BBX: variants seen among roughly 807,000 people sequenced by gnomAD.
BBX encodes HMG box transcription factor BBX.
In BBX, 30 loss-of-function variants were observed where a neutral mutation model predicts 100.2. The observed-to-expected ratio is 0.30, with a 90% CI of 0.22 to 0.41. BBX has a LOEUF of 0.41. BBX is among the 10% of genes least tolerant of loss of function. The probability of loss-of-function intolerance (pLI) is 1.00; values close to 1 mark genes in which losing one functional copy is unlikely to be tolerated. For synonymous variants in BBX, 376 were observed against 388.1 expected (o/e 0.97, Z 0.37); for missense variants, 1,023 against 1,129.8 (o/e 0.91, Z 1.35).
intron 2 of BBX, among the ~76,000 whole-genome samples, chr3:107,629,804 T>TTG: frequency 6.6e-6 from 1 of 152,150 alleles, no homozygotes; most frequent in East Asian, 1.9e-4. Flanking sequence ...ACCAACCACA[T>TTG]CTCTTCCTTA....
chr3:107,562,198 T>A (rs1406565405), intron 2 of BBX, among the ~76,000 whole-genome samples: 1 of 152,180 alleles, frequency 6.6e-6, no homozygotes, highest in Admixed American at 6.5e-5. Flanking sequence ...GCGATTACAT[T>A]CAAATAAACA....
intron 2 of BBX, among the ~76,000 whole-genome samples, chr3:107,529,426 T>C (rs1003837083): frequency 6.6e-6 from 1 of 152,230 alleles, no homozygotes; most frequent in Non-Finnish European, 1.5e-5. Context: ...ACTAAGGACA[T>C]TGTAATCTTA....
chr3:107,787,568 G>T (rs1028457216), intron 13 of BBX, among the ~76,000 whole-genome samples: 2 of 152,160 alleles, frequency 1.3e-5, no homozygotes, highest in African/African-American at 2.4e-5. Flanking sequence ...AAAAATTGGT[G>T]CCGGTTGCAA....
intron 5 of BBX, among the ~76,000 whole-genome samples, chr3:107,725,061 G>A (rs1221002999): frequency 1.3e-5 from 2 of 152,106 alleles, no homozygotes; most frequent in Non-Finnish European, 2.9e-5. Flanking sequence ...TCTTCCATTT[G>A]TTTGTATCCT....
chr3:107,793,756 A>G (rs1479122075), intron 15 of BBX, among the ~76,000 whole-genome samples: 1 of 152,224 alleles, frequency 6.6e-6, no homozygotes, highest in Non-Finnish European at 1.5e-5. Flanking sequence ...AACTGATGCT[A>G]TATAACTGTT....
At position 107,573,165 on chromosome 3, in the gene BBX, T is replaced by G. The variant is rs2051498104; in HGVS notation, c.-84+46767T>G. Among the ~76,000 whole-genome samples, 3 of 152,338 alleles carry G rather than the reference T, an allele frequency of 2.0e-5. No homozygotes were observed. The South Asian group carries it at 6.2e-4, about 32-fold the overall frequency. ...AACAATTAAAAAGAATCAAACAAGC[T>G]ATGTCTAATGGAGATTAAGAAGCAT... On this transcript the variant is annotated intron_variant, in intron 2 of 17. Transcript: ENST00000325805.
chr3:107,617,005 T>G (rs2055341364), intron 2 of BBX, among the ~76,000 whole-genome samples: 1 of 152,184 alleles, frequency 6.6e-6, no homozygotes, highest in South Asian at 2.1e-4. Context: ...TTTATTTTTC[T>G]TAAAATTTTA....
chr3:107,625,839 T>C (rs1050427103), intron 2 of BBX, among the ~76,000 whole-genome samples: 1 of 152,304 alleles, frequency 6.6e-6, no homozygotes, highest in South Asian at 2.1e-4. Context: ...TTTCAACTTT[T>C]ATTTTAGATT....
Position 107,744,710 on chromosome 3 carries a change from G to A in BBX, c.750G>A (p.Glu250=). The A allele has an allele frequency of 3.1e-6, 5 of 1,610,326 alleles. No individual in the cohort carries two copies. The highest frequency in any genetic ancestry group is 1.7e-6 in the Non-Finnish European group (2 of 1,176,854). ...AGTCACCATTGTTTCAGTTTGCCGA[G>A]GTAATATATTACAATTGATACTTAA... The part of the protein sequence containing the change: ...RQKSPLFQFA[E]ISSSTSHSDA... The change falls in exon 8 of 18, where the codon GAG becomes GAA. Residue 250 remains glutamate (E), a splice_region_variant and synonymous_variant. Transcript: ENST00000325805.
intron 3 of BBX, among the ~76,000 whole-genome samples, chr3:107,685,790 G>A (rs563755487): frequency 6.6e-6 from 1 of 152,242 alleles, no homozygotes; most frequent in South Asian, 2.1e-4. Flanking sequence ...GCAGATTTTT[G>A]CACGTTTGTT....
At chr3:107,566,701 C>G (rs1036485816) in intron 2 of BBX, among the ~76,000 whole-genome samples, 2 of 151,786 alleles carry the variant, frequency 1.3e-5, no homozygotes, top group African/African-American at 2.4e-5. Flanking sequence ...TTCATGTAGG[C>G]TTTGAAGTTT....
At chr3:107,546,321 C>G (rs2049238424) in intron 2 of BBX, among the ~76,000 whole-genome samples, 1 of 152,154 alleles carries the variant, frequency 6.6e-6, no homozygotes, top group African/African-American at 2.4e-5. Flanking sequence ...ACCTTTACTA[C>G]TGTCATAAAT....
chr3:107,740,404 TG>T, intron 7 of BBX, among the ~76,000 whole-genome samples: 1 of 152,228 alleles, frequency 6.6e-6, no homozygotes, highest in Non-Finnish European at 1.5e-5. Context: ...TACTGAAGCC[TG>T]GCAGTTACCA....
chr3:107,769,024 C>T (rs868638110), intron 10 of BBX, among the ~76,000 whole-genome samples: 18 of 147,636 alleles, frequency 1.2e-4, no homozygotes, highest in Middle Eastern at 3.5e-3. Flanking sequence ...GGGGGGGAGC[C>T]GGGCATAGTG....
chr3:107,650,449 A>C (rs928234467), intron 3 of BBX, among the ~76,000 whole-genome samples: 1 of 147,822 alleles, frequency 6.8e-6, no homozygotes, highest in Admixed American at 6.8e-5. Context: ...CCCTGGTGCT[A>C]AAAAAAAAAC....
chr3:107,702,637 G>A (rs1351004627), intron 3 of BBX, among the ~76,000 whole-genome samples: 1 of 152,174 alleles, frequency 6.6e-6, no homozygotes, highest in African/African-American at 2.4e-5. Context: ...AAGGGTCTCT[G>A]TGGGAGGAAT....
chr3:107,561,197 A>G (rs1008639014), intron 2 of BBX, among the ~76,000 whole-genome samples: 4 of 152,232 alleles, frequency 2.6e-5, no homozygotes, highest in Non-Finnish European at 5.9e-5. Flanking sequence ...TAGGTGTTAT[A>G]TAAGATGTAG....
Position 107,648,674 on chromosome 3 carries a change from A to G in BBX, c.-10+2765A>G, listed in dbSNP as rs1160783792. ...AACAGTTGCATCCGGGAGTTTTCTA[A>G]GATACTCTACCTGAGGTCACATTTA... On this transcript the variant is annotated intron_variant, in intron 3 of 17. Coordinates refer to ENST00000325805, the MANE Select transcript of BBX (RefSeq NM_001142568.3). 2.6e-5 allele frequency among the ~76,000 whole-genome samples: 4 copies of G among 152,260 alleles called. No homozygotes were observed. In the East Asian group the frequency reaches 7.7e-4, roughly 29 times the overall value.
In BBX at chr3:107,570,995, T is replaced by G. The variant is rs1045988814; in HGVS notation, c.-84+44597T>G. Among the ~76,000 whole-genome samples the G allele has an allele frequency of 3.9e-5, 6 of 152,164 alleles. No individual in the cohort carries two copies. In the South Asian group the frequency reaches 1.0e-3, roughly 26 times the overall value. On this transcript the variant is annotated intron_variant, in intron 2 of 17. Transcript: ENST00000325805. ...AATCAAAAGTGTTGTTTTCTGGCTA[T>G]TTAGAACAATTATTGAGTTTGTATT...
Sources: allele counts gnomAD v4.1 joint callset (sites outside exome capture counted in the v4.1 genomes callset), GRCh38; gene constraint gnomAD v4.1.1; transcripts MANE v1.5; gene names NCBI Gene and HGNC (gene_info 2026-07-23, HGNC 2026-07-21).